The following TNIK variants were observed in gnomAD, a reference collection of about 807,000 sequenced individuals.
TNIK encodes TRAF2 and NCK-interacting protein kinase.
In TNIK, 49 loss-of-function variants were observed where a neutral mutation model predicts 191.3. That is an observed-to-expected ratio of 0.26 (90% CI 0.20 to 0.32). The LOEUF (loss-of-function observed/expected upper bound fraction) is 0.32, where lower values mean the gene tolerates loss of function less well. TNIK is among the 10% of genes least tolerant of loss of function. The pLI is 1.00. For missense variants in TNIK, 1,155 were observed against 1,702.3 expected (o/e 0.68, Z 5.66); for synonymous variants, 594 against 600.9 (o/e 0.99, Z 0.17).
intron 2 of TNIK, among the ~76,000 whole-genome samples, chr3:171,255,873 G>A (rs1401229727): frequency 3.9e-5 from 6 of 152,140 alleles, no homozygotes; most frequent in South Asian, 2.1e-4. Flanking sequence ...GCCCTCTATG[G>A]TTTTGAAATT....
At chr3:171,322,764 C>T (rs1243696560) in intron 2 of TNIK, among the ~76,000 whole-genome samples, 1 of 151,892 alleles carries the variant, frequency 6.6e-6, no homozygotes, top group South Asian at 2.1e-4. Flanking sequence ...AATGAAAGTG[C>T]CCCCTTTCCT....
intron 1 of TNIK, among the ~76,000 whole-genome samples, chr3:171,391,435 T>C (rs2108547447): frequency 1.3e-5 from 2 of 152,324 alleles, no homozygotes; most frequent in African/African-American, 4.8e-5. Flanking sequence ...AGATGTTCTC[T>C]CTTTCCTCTC....
intron 1 of TNIK, among the ~76,000 whole-genome samples, chr3:171,414,828 T>G (rs1722851214): frequency 6.6e-6 from 1 of 152,258 alleles, no homozygotes; most frequent in African/African-American, 2.4e-5. Flanking sequence ...TGGTATTTAA[T>G]GCAGTTCTAT....
intron 22 of TNIK, among the ~76,000 whole-genome samples, 173 bp downstream of exon 22, chr3:171,101,276 C>T (rs1374656423): frequency 1.3e-5 from 2 of 152,164 alleles, no homozygotes; most frequent in South Asian, 2.1e-4. Flanking sequence ...GTGATTGTGT[C>T]CATAGATAGA....
intron 5 of TNIK, among the ~76,000 whole-genome samples, chr3:171,193,072 T>A (rs1313589741): frequency 6.6e-6 from 1 of 152,216 alleles, no homozygotes; most frequent in East Asian, 1.9e-4. Context: ...CAAGTACTAT[T>A]TACTGATAAA....
chr3:171,342,215 C>G (rs932136106), intron 2 of TNIK, among the ~76,000 whole-genome samples: 2 of 152,198 alleles, frequency 1.3e-5, no homozygotes, highest in African/African-American at 4.8e-5. Context: ...AGCTGGGTCC[C>G]AATCCCACAG....
rs567328084 is a variant in TNIK, at chr3:171,349,575, CAATT to C, written c.123+20041_123+20044del. Among the ~76,000 whole-genome samples, 3 of 152,278 alleles carry C rather than the reference CAATT, an allele frequency of 2.0e-5. No individual in the cohort carries two copies. In the East Asian group the frequency reaches 5.8e-4, roughly 29 times the overall value. On this transcript the variant is annotated intron_variant, in intron 2 of 32. Coordinates refer to ENST00000436636, the MANE Select transcript of TNIK (RefSeq NM_015028.4). ...CTGATTCCCAAGAGGCAGTGTCACA[CAATT>C]AGATTGTTTATTCTAGCTCAACACA...
At chr3:171,423,255 C>A (rs62281639) in intron 1 of TNIK, among the ~76,000 whole-genome samples, 1 of 150,706 alleles carries the variant, frequency 6.6e-6, no homozygotes, top group Non-Finnish European at 1.5e-5. Flanking sequence ...GAATAAAATA[C>A]CTAGGAATCC....
chr3:171,193,800 T>A (rs542094155), intron 5 of TNIK, among the ~76,000 whole-genome samples: 1 of 152,216 alleles, frequency 6.6e-6, no homozygotes. Context: ...AGACATATAA[T>A]AACCTCCATA....
intron 2 of TNIK, among the ~76,000 whole-genome samples, chr3:171,365,727 T>C (rs931906135): frequency 1.3e-5 from 2 of 152,134 alleles, no homozygotes; most frequent in Admixed American, 6.5e-5. Context: ...CTATGAAGAC[T>C]CTTATAGCAT....
chr3:171,111,635 T>C (rs1275953255), intron 18 of TNIK, among the ~76,000 whole-genome samples: 3 of 152,110 alleles, frequency 2.0e-5, no homozygotes, highest in Admixed American at 6.5e-5. Flanking sequence ...AGAATTATCA[T>C]AGGATCCAGA....
At chr3:171,457,775 T>A (rs1728944213) in intron 1 of TNIK, among the ~76,000 whole-genome samples, 1 of 152,236 alleles carries the variant, frequency 6.6e-6, no homozygotes, top group Non-Finnish European at 1.5e-5. Flanking sequence ...TTGCCCTCTC[T>A]GTTTCCACAC....
intron 10 of TNIK, among the ~76,000 whole-genome samples, chr3:171,164,331 T>C (rs988748000): frequency 1.6e-4 from 24 of 152,282 alleles, no homozygotes; most frequent in Admixed American, 1.2e-3. Context: ...CAGAGGGAGA[T>C]GGGTCATGAG....
intron 2 of TNIK, among the ~76,000 whole-genome samples, chr3:171,342,116 C>A (rs971179791): frequency 1.3e-5 from 2 of 152,132 alleles, no homozygotes; most frequent in African/African-American, 4.8e-5. Flanking sequence ...ATATAAATTA[C>A]GAAGACTAGA....
chr3:171,177,468 G>T, intron 7 of TNIK, 88 bp from the exon 8 acceptor site: 8 of 1,458,278 alleles, frequency 5.5e-6, no homozygotes, highest in Non-Finnish European at 7.4e-6. Flanking sequence ...AACTTCCTGT[G>T]AAAGTCATTC....
At chr3:171,095,702 A>G (rs1234534736) in intron 22 of TNIK, among the ~76,000 whole-genome samples, 1 of 152,208 alleles carries the variant, frequency 6.6e-6, no homozygotes, top group Non-Finnish European at 1.5e-5. Context: ...TATCCAAAAC[A>G]GACAGGTGAA....
intron 4 of TNIK, among the ~76,000 whole-genome samples, chr3:171,206,287 A>G (rs1740068060): frequency 6.6e-6 from 1 of 151,124 alleles, no homozygotes; most frequent in Non-Finnish European, 1.5e-5. Context: ...ATACATATGT[A>G]TGTACACACA....
At chr3:171,260,903 G>C (rs1028403498) in intron 2 of TNIK, among the ~76,000 whole-genome samples, 6 of 152,020 alleles carry the variant, frequency 3.9e-5, no homozygotes, top group African/African-American at 1.4e-4. Flanking sequence ...AGATAACGAG[G>C]GTTATTACCG....
At chr3:171,108,285 C>T (rs1415463749) in intron 19 of TNIK, 123 bp from the exon 20 acceptor site, 2 of 665,092 alleles carry the variant, frequency 3.0e-6, no homozygotes, top group Non-Finnish European at 4.6e-6. Context: ...CGTCATTCAC[C>T]TGGGCAAATC....
Sources: allele counts gnomAD v4.1 joint callset (sites outside exome capture counted in the v4.1 genomes callset), GRCh38; gene constraint gnomAD v4.1.1; transcripts MANE v1.5; gene names NCBI Gene and HGNC (gene_info 2026-07-23, HGNC 2026-07-21).